STARD13: variants seen among roughly 807,000 people sequenced by gnomAD.
STARD13 encodes StAR related lipid transfer domain containing 13.
STARD13 carries 62 observed loss-of-function variants against 106.4 expected under a neutral mutation model. That is an observed-to-expected ratio of 0.58 (90% CI 0.48 to 0.72). The LOEUF (loss-of-function observed/expected upper bound fraction) is 0.72, where lower values mean the gene tolerates loss of function less well. Among genes scored for constraint, STARD13 ranks in the 30% least tolerant of loss-of-function variants. The probability of loss-of-function intolerance (pLI) is 0.00; values close to 1 mark genes in which losing one functional copy is unlikely to be tolerated. For synonymous variants in STARD13, 565 were observed against 553.0 expected (o/e 1.02, Z -0.31); for missense variants, 1,387 against 1,424.0 (o/e 0.97, Z 0.42).
At chr13:33,182,979 G>C (rs371019167) in intron 1 of STARD13, among the ~76,000 whole-genome samples, 1 of 152,212 alleles carries the variant, frequency 6.6e-6, no homozygotes, top group Non-Finnish European at 1.5e-5. Context: ...CCAGGCTGCT[G>C]TTGCATATCC....
the STARD13 span, among the ~76,000 whole-genome samples, chr13:33,443,179 C>T: frequency 1.3e-5 from 2 of 151,914 alleles, no homozygotes; most frequent in African/African-American, 4.8e-5. Context: ...GAGATGAGAC[C>T]ATCCTGGCTA....
chr13:33,108,157 T>C (rs1393312105), intron 12 of STARD13, among the ~76,000 whole-genome samples: 1 of 152,160 alleles, frequency 6.6e-6, no homozygotes, highest in Non-Finnish European at 1.5e-5. Flanking sequence ...GAGCTAGCAA[T>C]GGGTGTGACA....
intron 1 of STARD13, among the ~76,000 whole-genome samples, chr13:33,209,036 A>G (rs897140752): frequency 2.0e-5 from 3 of 152,204 alleles, no homozygotes; most frequent in Admixed American, 2.0e-4. Flanking sequence ...CCAGATTGCT[A>G]GTGGTCAGGA....
rs757034844 is a variant in STARD13, at chr13:33,126,207, A to G, written c.1956T>C (p.Val652=). Residue 652 remains valine (V), a synonymous_variant, in exon 7 of 14, where the codon GTT becomes GTC. Transcript: ENST00000336934. The part of the protein sequence containing the change: ...SVPKFMKRMK[V]PDYKDKAVFG... ...AGACAGCCTTGTCTTTGTAGTCGGG[A>G]ACTTTCATCCTCTTCATGAACTTTG... 2 of 1,614,138 alleles carry G rather than the reference A, an allele frequency of 1.2e-6. No homozygotes were observed. Among genetic ancestry groups the G allele is most frequent in the Non-Finnish European group, 1.7e-6 (2 of 1,180,024 alleles).
the STARD13 span, among the ~76,000 whole-genome samples, chr13:33,599,730 C>CAGAGAA: frequency 1.3e-5 from 2 of 152,026 alleles, no homozygotes; most frequent in African/African-American, 2.4e-5. Context: ...GAGAGAGAGA[C>CAGAGAA]AGAGAAAGAC....
intron 1 of STARD13, among the ~76,000 whole-genome samples, chr13:33,229,113 G>T (rs1035351254): frequency 1.3e-5 from 2 of 152,194 alleles, no homozygotes; most frequent in African/African-American, 2.4e-5. Context: ...ATTGCCAGCA[G>T]CCTGTATGGG....
chr13:33,516,910 C>T, the STARD13 span, among the ~76,000 whole-genome samples: 22 of 145,944 alleles, frequency 1.5e-4, no homozygotes, highest in African/African-American at 4.6e-4. Flanking sequence ...CACTGTACTC[C>T]AGCATGGGCA....
At chr13:33,580,610 T>C in the STARD13 span, among the ~76,000 whole-genome samples, 2 of 152,100 alleles carry the variant, frequency 1.3e-5, no homozygotes, top group Admixed American at 6.5e-5. Flanking sequence ...GAATAAAATA[T>C]GTTAATAATA....
chr13:33,549,310 A>C, the STARD13 span, among the ~76,000 whole-genome samples: 1 of 152,236 alleles, frequency 6.6e-6, no homozygotes, highest in Non-Finnish European at 1.5e-5. Context: ...GAAATCAAGT[A>C]ATACACATTC....
intron 1 of STARD13, chr13:33,279,534 G>A (rs555716811): frequency 1.3e-5 from 2 of 152,208 alleles, no homozygotes; most frequent in African/African-American, 4.8e-5. Flanking sequence ...TGCCAACAGA[G>A]TAACTCCTGG....
At chr13:33,413,731 A>G in the STARD13 span, among the ~76,000 whole-genome samples, 16 of 152,174 alleles carry the variant, frequency 1.1e-4, no homozygotes, top group Non-Finnish European at 2.2e-4. Context: ...GGATGTACAG[A>G]AAGAAAATAA....
the STARD13 span, among the ~76,000 whole-genome samples, chr13:33,510,420 T>A: frequency 1.3e-5 from 2 of 152,210 alleles, no homozygotes; most frequent in African/African-American, 4.8e-5. Flanking sequence ...ATAGTTAACC[T>A]GTGCTTTGTT....
chr13:33,663,398 G>T, the STARD13 span, among the ~76,000 whole-genome samples: 1 of 152,152 alleles, frequency 6.6e-6, no homozygotes, highest in Non-Finnish European at 1.5e-5. Context: ...GTAAGAAAAT[G>T]AAATGCTTAG....
intron 1 of STARD13, among the ~76,000 whole-genome samples, chr13:33,214,979 G>A (rs1887945903): frequency 6.6e-6 from 1 of 152,116 alleles, no homozygotes; most frequent in South Asian, 2.1e-4. Context: ...TCCTTTGGAA[G>A]CATTAGGTTC....
rs901645187 is a variant in STARD13, at chr13:33,167,551, C to T, written c.241G>A (p.Asp81Asn). Residue 81 changes from aspartate to asparagine, a missense_variant and splice_region_variant, in exon 2 of 14, where the codon GAT becomes AAT. Coordinates refer to ENST00000336934, the MANE Select transcript of STARD13 (RefSeq NM_178006.4). ...AGAGCGAAGCGAAGGGCTGACGTAC[C>T]CTCATATAACTGAGCGTATTGCGGG... is the stretch of plus-strand genomic sequence containing the variant. ...GFPQYAQLYE[D>N]SQFPINIVAV... 6.2e-7 allele frequency: 1 copy of T among 1,613,860 alleles called. No individual in the cohort carries two copies. Among genetic ancestry groups the T allele is most frequent in the Non-Finnish European group, 8.5e-7 (1 of 1,179,770 alleles).
In STARD13 at chr13:33,117,021, C is replaced by CT. The variant is rs986399502; in HGVS notation, c.2281+1043dup. Among the ~76,000 whole-genome samples, 23 of 152,288 alleles carry CT rather than the reference C, an allele frequency of 1.5e-4. No homozygotes were observed. In the Middle Eastern group the frequency reaches 0.01, roughly 68 times the overall value. ...AACTCAAAGTCCATGGGCCAAATGG[C>CT]TTTTTTCCCCCATGAATTGGGATCT... is the stretch of plus-strand genomic sequence containing the variant. On this transcript the variant is annotated intron_variant, in intron 8 of 13. Coordinates refer to ENST00000336934, the MANE Select transcript of STARD13 (RefSeq NM_178006.4).
chr13:33,167,725 CA>C, intron 1 of STARD13, 103 bp from the exon 2 acceptor site: 1 of 1,213,748 alleles, frequency 8.2e-7, no homozygotes, highest in Non-Finnish European at 1.2e-6. Flanking sequence ...CAAGTTATTA[CA>C]AAGCAAAATT....
chr13:33,517,802 A>G, the STARD13 span, among the ~76,000 whole-genome samples: 4 of 152,064 alleles, frequency 2.6e-5, no homozygotes, highest in Non-Finnish European at 5.9e-5. Flanking sequence ...TATTTTTCGG[A>G]CAAATAAATC....
the STARD13 span, among the ~76,000 whole-genome samples, chr13:33,471,633 G>GT: frequency 0.01 from 1,272 of 124,388 alleles, 5 homozygotes; most frequent in East Asian, 0.018. Context: ...TTGGCCCCCT[G>GT]TTTTTTTTTT....
Sources: gnomAD v4.1 joint callset for allele counts (sites outside exome capture counted in the v4.1 genomes callset) on GRCh38, gnomAD v4.1.1 for gene constraint, MANE v1.5 for transcripts, NCBI Gene and HGNC (gene_info 2026-07-23, HGNC 2026-07-21) for gene names.